The following SLC35F1 variants were observed in gnomAD, a reference collection of about 807,000 sequenced individuals.
SLC35F1 encodes solute carrier family 35 member F1.
In SLC35F1, 14 loss-of-function variants were observed where a neutral mutation model predicts 48.7. The ratio of observed to expected loss-of-function variants is 0.29; its 90% CI spans 0.19 to 0.45. The LOEUF is 0.45. Ranked by LOEUF, SLC35F1 falls within the 20% of genes least tolerant of loss-of-function variation. SLC35F1 has a pLI of 1.00. For synonymous variants in SLC35F1, 190 were observed against 202.2 expected (o/e 0.94, Z 0.51); for missense variants, 404 against 500.0 (o/e 0.81, Z 1.83).
intron 1 of SLC35F1, among the ~76,000 whole-genome samples, chr6:118,147,043 A>G (rs1257493477): frequency 6.6e-6 from 1 of 152,172 alleles, no homozygotes; most frequent in African/African-American, 2.4e-5. Context: ...ATTAAGGCAT[A>G]CAATCGCAAG....
intron 1 of SLC35F1, among the ~76,000 whole-genome samples, chr6:117,970,432 T>C (rs552348729): frequency 2.0e-5 from 3 of 152,328 alleles, no homozygotes; most frequent in African/African-American, 7.2e-5. Context: ...CTTGAATTTC[T>C]CTATCTACTT....
In SLC35F1 at chr6:118,182,470, CAACAG is replaced by C. The variant is rs1363839281; in HGVS notation, c.349+27852_349+27856del. ...TCACACCGCTGCACTCCAGCTTGGG[CAACAG>C]AGTGAGACCCTGTCAAAAAAAAAAA... On this transcript the variant is annotated intron_variant, in intron 2 of 7. Coordinates refer to ENST00000360388, the MANE Select transcript of SLC35F1 (RefSeq NM_001029858.4). Among the ~76,000 whole-genome samples, 32 of 130,322 alleles carry C rather than the reference CAACAG, an allele frequency of 2.5e-4. No homozygotes were observed. In the South Asian group the frequency reaches 7.5e-3, roughly 30 times the overall value. The allele number at this position is 130,322 out of a possible 152,430, so 85.5% of individuals were successfully genotyped here. A position where few individuals can be genotyped will look rare whatever the true frequency, so the allele number is the denominator to read the frequency against.
At chr6:118,075,218 G>A (rs1310945581) in intron 1 of SLC35F1, among the ~76,000 whole-genome samples, 1 of 152,104 alleles carries the variant, frequency 6.6e-6, no homozygotes, top group Non-Finnish European at 1.5e-5. Flanking sequence ...TATAAATGGG[G>A]CTCAGAACAT....
chr6:118,207,062 C>A (rs1019823841), intron 2 of SLC35F1, among the ~76,000 whole-genome samples: 1 of 152,060 alleles, frequency 6.6e-6, no homozygotes, highest in Non-Finnish European at 1.5e-5. Flanking sequence ...TTGAGAAAAT[C>A]AAAGGGGAAG....
intron 2 of SLC35F1, among the ~76,000 whole-genome samples, chr6:118,230,145 T>G (rs748990515): frequency 6.6e-6 from 1 of 151,986 alleles, no homozygotes; most frequent in African/African-American, 2.4e-5. Flanking sequence ...ATCAAGACTA[T>G]CCTGGCCAAC....
intron 1 of SLC35F1, among the ~76,000 whole-genome samples, chr6:118,109,768 G>C (rs112436192): frequency 0.033 from 5,021 of 152,186 alleles, 136 homozygotes; most frequent in African/African-American, 0.068. Flanking sequence ...CCAGGAGCTG[G>C]GCTCTCTAAG....
Position 118,313,579 on chromosome 6 carries a change from T to C in SLC35F1, c.1003-449T>C, listed in dbSNP as rs181006933. ...GAATTGGATTAAGGTGAAATGAGAG[T>C]GCCCTGATGCAGCTGTCAGTGAGCG... On this transcript the variant is annotated intron_variant, in intron 7 of 7. Transcript: ENST00000360388. 8.9e-3 allele frequency among the ~76,000 whole-genome samples: 1,351 copies of C among 152,302 alleles called. 6 individuals carry two copies. The highest frequency in any genetic ancestry group is 0.013 in the South Asian group (65 of 4,828).
intron 2 of SLC35F1, among the ~76,000 whole-genome samples, chr6:118,167,177 A>T (rs1774330875): frequency 6.6e-6 from 1 of 152,042 alleles, no homozygotes; most frequent in East Asian, 1.9e-4. Context: ...ACCCCCTCCA[A>T]GTTCACAGAT....
chr6:118,180,527 CAA>C (rs1774559580), intron 2 of SLC35F1, among the ~76,000 whole-genome samples: 2 of 151,680 alleles, frequency 1.3e-5, no homozygotes, highest in African/African-American at 4.8e-5. Flanking sequence ...AAAAAAACAA[CAA>C]ATAGAATTTC....
At chr6:118,211,160 C>A (rs1353574686) in intron 2 of SLC35F1, among the ~76,000 whole-genome samples, 1 of 152,144 alleles carries the variant, frequency 6.6e-6, no homozygotes, top group Non-Finnish European at 1.5e-5. Flanking sequence ...GAATTCTAGC[C>A]TCCAAAACTG....
At chr6:118,013,800 T>C (rs1329029676) in intron 1 of SLC35F1, among the ~76,000 whole-genome samples, 15 of 152,304 alleles carry the variant, frequency 9.8e-5, no homozygotes, top group Admixed American at 2.6e-4. Context: ...GACAAATCCA[T>C]CCAACTATTT....
intron 1 of SLC35F1, among the ~76,000 whole-genome samples, chr6:117,968,985 T>G (rs566007011): frequency 6.6e-6 from 1 of 152,338 alleles, no homozygotes; most frequent in South Asian, 2.1e-4. Context: ...AAGGGTTATG[T>G]GATGATTCTT....
intron 1 of SLC35F1, among the ~76,000 whole-genome samples, chr6:118,140,719 A>T (rs9481767): frequency 0.24 from 36,336 of 151,944 alleles, 4,785 homozygotes; most frequent in East Asian, 0.39. Context: ...ATTGCCCTAA[A>T]GACCTTCCAG....
chr6:118,128,876 A>C (rs555569948), intron 1 of SLC35F1, among the ~76,000 whole-genome samples: 19 of 152,286 alleles, frequency 1.2e-4, no homozygotes, highest in African/African-American at 4.6e-4. Context: ...TGAGTGCTGC[A>C]CTAGGCTACT....
At chr6:117,966,638 C>T (rs895411033) in intron 1 of SLC35F1, among the ~76,000 whole-genome samples, 1 of 152,232 alleles carries the variant, frequency 6.6e-6, no homozygotes, top group African/African-American at 2.4e-5. Flanking sequence ...CAAGAACCAA[C>T]CAATTCTGGA....
At chr6:118,011,475 G>T (rs796267296) in intron 1 of SLC35F1, among the ~76,000 whole-genome samples, 1 of 152,110 alleles carries the variant, frequency 6.6e-6, no homozygotes. Context: ...CAGCAAGGGG[G>T]AAGTCTGCCT....
Position 118,316,379 on chromosome 6 carries a change from C to A in SLC35F1, c.*2127C>A, listed in dbSNP as rs1776438111. 1 of 152,652 alleles carries A rather than the reference C, an allele frequency of 6.6e-6. No individual in the cohort carries two copies. Among genetic ancestry groups the A allele is most frequent in the Admixed American group, 6.5e-5 (1 of 15,280 alleles). The allele number at this position is 152,652 out of a possible 1,614,324, so 9.5% of individuals were successfully genotyped here. On this transcript the variant is annotated 3_prime_UTR_variant, in exon 8 of 8. Coordinates refer to ENST00000360388, the MANE Select transcript of SLC35F1 (RefSeq NM_001029858.4). ...TTTGCCAACATCTTCTCTCTGCTACCTTTTAAACCAATTAAATACCTTTCT... is the reference window on the plus strand; with the variant it reads ...TTTGCCAACATCTTCTCTCTGCTACATTTTAAACCAATTAAATACCTTTCT...
intron 1 of SLC35F1, among the ~76,000 whole-genome samples, chr6:117,908,654 G>A (rs114826347): frequency 0.014 from 2,123 of 152,360 alleles, 59 homozygotes; most frequent in African/African-American, 0.048. Flanking sequence ...TGACGTTTTA[G>A]GATGAGGACC....
chr6:117,933,589 G>GA lies in SLC35F1; in HGVS notation c.173+25699dup, dbSNP rs199732829. On this transcript the variant is annotated intron_variant, in intron 1 of 7. Coordinates refer to ENST00000360388, the MANE Select transcript of SLC35F1 (RefSeq NM_001029858.4). ...GCACCTTGGTTTATGAGAAATTTTAGAAAAAAAAAGGATGTTTTCCTCTCT... is the reference window on the plus strand; with the variant it reads ...GCACCTTGGTTTATGAGAAATTTTAGAAAAAAAAAAGGATGTTTTCCTCTCT... Among the ~76,000 whole-genome samples the GA allele has an allele frequency of 7.3e-5, 11 of 150,602 alleles. 1 individual carries two copies. In the South Asian group the frequency reaches 8.4e-4, roughly 12 times the overall value.
Sources: gnomAD v4.1 joint callset for allele counts (sites outside exome capture counted in the v4.1 genomes callset) on GRCh38, gnomAD v4.1.1 for gene constraint, MANE v1.5 for transcripts, NCBI Gene and HGNC (gene_info 2026-07-23, HGNC 2026-07-21) for gene names.